The following TACC1 variants were observed in gnomAD, a reference collection of about 807,000 sequenced individuals.
TACC1 encodes transforming acidic coiled-coil-containing protein 1.
TACC1 carries 48 observed loss-of-function variants against 84.4 expected under a neutral mutation model. The ratio of observed to expected loss-of-function variants is 0.57; its 90% confidence interval spans 0.45 to 0.72. The LOEUF (loss-of-function observed/expected upper bound fraction) is 0.72. TACC1 is among the 30% of genes least tolerant of loss of function. TACC1 has a pLI of 0.00. For missense variants in TACC1, 920 were observed against 973.0 expected, an observed-to-expected ratio of 0.95 and a Z score of 0.72; for synonymous variants, 372 against 376.3, an observed-to-expected ratio of 0.99 and a Z score of 0.13.
At chr8:38,813,275 A>G (rs1824654169) in intron 2 of TACC1, among the ~76,000 whole-genome samples, 1 of 152,186 alleles carries the variant, frequency 6.6e-6, no homozygotes, top group Non-Finnish European at 1.5e-5. Context: ...TGAATTCACA[A>G]TCTCAGATGT....
chr8:38,795,451 C>T (rs1819747949), intron 2 of TACC1, among the ~76,000 whole-genome samples: 1 of 152,206 alleles, frequency 6.6e-6, no homozygotes, highest in Admixed American at 6.5e-5. Context: ...CACTTTCTAC[C>T]TGTGTATGTG....
At position 38,820,286 on chromosome 8, in the gene TACC1, A is replaced by T. The variant is rs1321366470; in HGVS notation, c.1042A>T (p.Thr348Ser). 1 of 1,614,210 alleles carries T rather than the reference A, an allele frequency of 6.2e-7. No homozygotes were observed. The highest frequency in any genetic ancestry group is 1.7e-5 in the Admixed American group (1 of 60,034). The change falls in exon 3 of 13, where the codon ACA becomes TCA. Residue 348 changes from threonine to serine, a missense_variant. Transcript: ENST00000317827. ...PRKLGRKLGS[T>S]LTPKIQKDGI... ...GAAGCTTGGCAGGAAACTGGGTAGC[A>T]CACTGACTCCCAAGATACAAAAAGA...
chr8:38,820,039 C>T lies in TACC1; in HGVS notation c.795C>T (p.His265=). 1 of 1,614,136 alleles carries T rather than the reference C, an allele frequency of 6.2e-7. No homozygotes were observed. The highest frequency in any genetic ancestry group is 1.1e-5 in the South Asian group (1 of 91,086). ...CACCTCTCCCCAAGGCATCCTATCA[C>T]TTCAGTCCTGAAGAGTTGGATGAGA... ...EGTPLPKASY[H]FSPEELDENT... is the part of the protein sequence containing the mutation. The change falls in exon 3 of 13, where the codon CAC becomes CAT. Residue 265 remains histidine (H), a synonymous_variant. Transcript: ENST00000317827.
At chr8:38,842,964 C>T (rs2152325797) in intron 10 of TACC1, among the ~76,000 whole-genome samples, 1 of 152,252 alleles carries the variant, frequency 6.6e-6, no homozygotes, top group East Asian at 1.9e-4. Flanking sequence ...GCTTTATTTT[C>T]ATATTAAAAT....
intron 7 of TACC1, among the ~76,000 whole-genome samples, chr8:38,837,230 C>T (rs1029172980): frequency 8.3e-5 from 12 of 145,314 alleles, no homozygotes; most frequent in African/African-American, 2.8e-4. Flanking sequence ...GACTGACCAA[C>T]GTGGAGAAAC....
intron 9 of TACC1, 136 bp downstream of exon 9, chr8:38,840,403 G>T: frequency 1.4e-6 from 1 of 728,186 alleles, no homozygotes. Context: ...AGACAGGAGA[G>T]TTCAAGGTGC....
chr8:38,785,579 A>T, upstream of TACC1: 1 of 501,490 alleles, frequency 2.0e-6, no homozygotes, highest in Non-Finnish European at 2.6e-6. Flanking sequence ...CACCACAGGG[A>T]TGCAAAGGAA....
Position 38,773,621 on chromosome 8 carries a change from T to G in TACC1, c.27-15083T>G, listed in dbSNP as rs186063051. 1.9e-4 allele frequency among the ~76,000 whole-genome samples: 27 copies of G among 145,332 alleles called. No individual in the cohort carries two copies. In the Middle Eastern group the frequency reaches 0.011, roughly 58 times the overall value. On this transcript the variant is annotated intron_variant, in intron 3 of 14. Coordinates refer to the TACC1 transcript ENST00000518415. The stretch of plus-strand genomic sequence containing the variant: ...ATCTATCTAGCTATCTATCTAGCTA[T>G]CTATCTGTTGTTCCATTTGTCCAAA...
intron 3 of TACC1, 130 bp from the exon 4 acceptor site, chr8:38,825,178 C>T (rs1294485127): frequency 7.6e-6 from 7 of 918,672 alleles, no homozygotes; most frequent in African/African-American, 6.5e-5. Context: ...TCTCCTGCGG[C>T]GATGTATGAT....
chr8:38,834,677 A>G (rs1462119432), intron 6 of TACC1, among the ~76,000 whole-genome samples: 1 of 151,998 alleles, frequency 6.6e-6, no homozygotes, highest in Non-Finnish European at 1.5e-5. Context: ...ACAGGTTTCT[A>G]TTTTGGGCCC....
chr8:38,849,928 A>C lies in TACC1; in HGVS notation c.*1905A>C, dbSNP rs1832869553. Reference sequence around the variant, plus strand: ...CCTTTTTAGTCCTCTACTGCTAAATAAGTTAATTTTGCATTTTGCAGAAAG... The same window carrying C: ...CCTTTTTAGTCCTCTACTGCTAAATCAGTTAATTTTGCATTTTGCAGAAAG... On this transcript the variant is annotated 3_prime_UTR_variant, in exon 13 of 13. Coordinates refer to ENST00000317827, the MANE Select transcript of TACC1 (RefSeq NM_006283.3). 1 of 152,644 alleles carries C rather than the reference A, an allele frequency of 6.6e-6. No individual in the cohort carries two copies. The highest frequency in any genetic ancestry group is 2.1e-4 in the South Asian group (1 of 4,838). 9.5% of individuals were successfully genotyped at this position (152,644 alleles called of 1,614,324 possible).
intron 2 of TACC1, among the ~76,000 whole-genome samples, chr8:38,817,939 A>C (rs1825807890): frequency 6.7e-6 from 1 of 148,360 alleles, no homozygotes; most frequent in Non-Finnish European, 1.5e-5. Context: ...AAAAAAAAAA[A>C]AAAAAAAACA....
chr8:38,814,793 A>G (rs1369997009), intron 2 of TACC1, among the ~76,000 whole-genome samples: 3 of 152,220 alleles, frequency 2.0e-5, no homozygotes, highest in African/African-American at 7.2e-5. Flanking sequence ...CCAAATAAAA[A>G]ATCCATTGGA....
intron 2 of TACC1, among the ~76,000 whole-genome samples, chr8:38,799,437 G>A (rs943420789): frequency 1.3e-5 from 2 of 152,168 alleles, no homozygotes; most frequent in Non-Finnish European, 2.9e-5. Context: ...GTGGGGCTCC[G>A]AGTCTGGAGG....
Position 38,820,649 on chromosome 8 carries a change from G to T in TACC1, c.1391+14G>T. 4 of 1,593,404 alleles carry T rather than the reference G, an allele frequency of 2.5e-6. No homozygotes were observed. The highest frequency in any genetic ancestry group is 3.4e-6 in the Non-Finnish European group (4 of 1,174,598). The stretch of plus-strand genomic sequence containing the variant: ...GCGTTTAATAACGTGAGTGACAGTG[G>T]GCGCTGGGTGTCGTGCTCTGTGTCT... On this transcript the variant is annotated intron_variant, in intron 3 of 12. Coordinates refer to ENST00000317827, the MANE Select transcript of TACC1 (RefSeq NM_006283.3).
At chr8:38,758,343 A>T (rs1036235504) in intron 3 of TACC1, among the ~76,000 whole-genome samples, 12 of 152,118 alleles carry the variant, frequency 7.9e-5, no homozygotes, top group African/African-American at 2.9e-4. Flanking sequence ...AATGTTACCG[A>T]TGTTCACAAA....
chr8:38,772,938 G>A (rs542855640), intron 3 of TACC1, among the ~76,000 whole-genome samples: 1 of 152,026 alleles, frequency 6.6e-6, no homozygotes, highest in East Asian at 1.9e-4. Flanking sequence ...TTGTATTAAG[G>A]TTTATAATAT....
At chr8:38,753,931 TCTTTCTCTCTCTC>T (rs1809523142) in intron 3 of TACC1, among the ~76,000 whole-genome samples, 1 of 142,748 alleles carries the variant, frequency 7.0e-6, no homozygotes, top group African/African-American at 2.5e-5. Flanking sequence ...CTTTCTTTCT[TCTTTCTCTCTCTC>T]TCTTTCATTT....
chr8:38,820,656 G>C, intron 3 of TACC1, 21 bp downstream of exon 3: 1 of 1,587,326 alleles, frequency 6.3e-7, no homozygotes, highest in African/African-American at 1.3e-5. Flanking sequence ...GTGGGCGCTG[G>C]GTGTCGTGCT....
Sources: allele counts gnomAD v4.1 joint callset (sites outside exome capture counted in the v4.1 genomes callset), GRCh38; gene constraint gnomAD v4.1.1; transcripts MANE v1.5; gene names NCBI Gene and HGNC (gene_info 2026-07-23, HGNC 2026-07-21).